Variants in RNF5 observed in about 807,000 individuals in gnomAD.
RNF5 encodes the protein ring finger protein 5, also known as E3 ubiquitin-protein ligase RNF5.
A neutral mutation model predicts 24.4 loss-of-function variants in RNF5; 16 were observed. The observed-to-expected ratio is 0.66, with a 90% CI of 0.44 to 1.00. The LOEUF (loss-of-function observed/expected upper bound fraction) is 1.00, where lower values mean the gene tolerates loss of function less well. Among genes scored for constraint, RNF5 ranks in the 50% least tolerant of loss-of-function variants. The pLI, the probability that RNF5 is intolerant of heterozygous loss-of-function variation, is 0.00. For missense variants in RNF5, 185 were observed against 236.7 expected (o/e 0.78, Z 1.43); for synonymous variants, 64 against 88.5 (o/e 0.72, Z 1.55).
At chr6:32,178,865 C>CAA (rs1785830009) in intron 1 of RNF5, among the ~76,000 whole-genome samples, 1 of 152,016 alleles carries the variant, frequency 6.6e-6, no homozygotes, top group African/African-American at 2.4e-5. Flanking sequence ...GGAGCTGAGG[C>CAA]ACGTGATGTG....
intron 1 of RNF5, 68 bp downstream of exon 1, chr6:32,178,719 T>C: frequency 6.7e-7 from 1 of 1,485,108 alleles, no homozygotes; most frequent in Non-Finnish European, 9.2e-7. Context: ...TAGGAGCGAA[T>C]AATCATACAG....
chr6:32,178,853 C>A (rs949862886), intron 1 of RNF5, among the ~76,000 whole-genome samples: 1 of 151,958 alleles, frequency 6.6e-6, no homozygotes. Flanking sequence ...TCTTAGGAAC[C>A]AGGAGCTGAG....
Position 32,180,586 on chromosome 6 carries a change from C to T in RNF5, c.*260C>T. On this transcript the variant is annotated 3_prime_UTR_variant, in exon 6 of 6. Transcript: ENST00000375094. ...GAGGATGGATTGAGAGAATGTCTTT[C>T]TCCTCTCCTAAGTCTTTGCTTTCCC... The T allele has an allele frequency of 3.8e-6, 2 of 525,200 alleles. No individual in the cohort carries two copies. Among genetic ancestry groups the T allele is most frequent in the Non-Finnish European group, 3.4e-6 (1 of 297,570 alleles). The allele number at this position is 525,200 out of a possible 1,614,324, so 32.5% of individuals were successfully genotyped here. A position where few individuals can be genotyped will look rare whatever the true frequency, so the allele number is the denominator to read the frequency against.
chr6:32,179,814 GAA>G lies in RNF5; in HGVS notation c.272+54_272+55del. 1 of 1,613,610 alleles carries G rather than the reference GAA, an allele frequency of 6.2e-7. No individual in the cohort carries two copies. Reference sequence around the variant, plus strand: ...GGAAGATTGAAGGCTTCTGCCCTTGGAAAACGGTGTGGAAGATGGGAGGAGAA... The same window carrying G: ...GGAAGATTGAAGGCTTCTGCCCTTGGAACGGTGTGGAAGATGGGAGGAGAA... On this transcript the variant is annotated intron_variant, in intron 3 of 5. Transcript: ENST00000375094. This position sits in a 1 kb window ranked among gnomAD's most constrained non-coding sequence, Gnocchi z 5.4.
At position 32,180,359 on chromosome 6, in the gene RNF5, A is replaced by G; in HGVS notation, c.*33A>G. The G allele has an allele frequency of 6.3e-7, 1 of 1,579,880 alleles. No individual in the cohort carries two copies. ...CTGCTTCCTGCCCACCTCCAGCCAG[A>G]GAAGAATCAGTATTGAGGGTCCCTG... On this transcript the variant is annotated 3_prime_UTR_variant, in exon 6 of 6. Coordinates refer to ENST00000375094, the MANE Select transcript of RNF5 (RefSeq NM_006913.4).
rs1276934991 is a variant in RNF5, at chr6:32,178,671, G to A, written c.140+20G>A. ...GTACTGGTGAGAATCGAGGAGGGGG[G>A]CGGGAGGTGGTGGGTCTCGCTTATA... On this transcript the variant is annotated intron_variant, in intron 1 of 5. Coordinates refer to ENST00000375094, the MANE Select transcript of RNF5 (RefSeq NM_006913.4). 18 of 1,607,232 alleles carry A rather than the reference G, an allele frequency of 1.1e-5. No individual in the cohort carries two copies. The Admixed American group carries it at 2.8e-4, about 25-fold the overall frequency.
In RNF5 at chr6:32,180,316, T is replaced by C. The variant is rs1785988581; in HGVS notation, c.533T>C (p.Leu178Pro). ...GCCATCTTCTTCTTTTTTTGGCTGC[T>C]CAGTATTTGAGCTATGTCTGCTTCC... ...FLAIFFFFWL[L>P]SI The change falls in exon 6 of 6, where the codon CTC becomes CCC. Residue 178 changes from leucine (L) to proline (P), a missense_variant. Transcript: ENST00000375094. The C allele has an allele frequency of 6.2e-7, 1 of 1,606,512 alleles. No individual in the cohort carries two copies. The highest frequency in any genetic ancestry group is 1.7e-5 in the Admixed American group (1 of 60,014).
chr6:32,180,015 C>T lies in RNF5; in HGVS notation c.334C>T (p.Gln112Ter), dbSNP rs777032859. The T allele has an allele frequency of 9.9e-6, 16 of 1,614,056 alleles. No individual in the cohort carries two copies. The highest frequency in any genetic ancestry group is 1.4e-5 in the Non-Finnish European group (16 of 1,180,020). The change falls in exon 5 of 6, where the codon CAG (glutamine) becomes TAG (stop). Residue 112 changes from glutamine (Q) to a stop codon, truncating the protein, a stop_gained. Coordinates refer to ENST00000375094, the MANE Select transcript of RNF5 (RefSeq NM_006913.4). LOFTEE classifies it high-confidence loss of function. The stretch of plus-strand genomic sequence containing the variant: ...ACTTTTTCTGCCTCCCTAGGGATTC[C>T]AGCCATTTGGTGATACCGGGGGCTT... ...RPAPESRGGF[Q>*]PFGDTGGFHF...
chr6:32,178,699 C>T (rs781712644), intron 1 of RNF5, 48 bp downstream of exon 1: 1 of 1,582,292 alleles, frequency 6.3e-7, no homozygotes, highest in Non-Finnish European at 8.6e-7. Flanking sequence ...CGCTTATATA[C>T]TGGAGAGGCT....
chr6:32,180,134 T>C lies in RNF5; in HGVS notation c.445+8T>C, dbSNP rs1248147887. On this transcript the variant is annotated splice_region_variant and intron_variant, in intron 5 of 5. Coordinates refer to ENST00000375094, the MANE Select transcript of RNF5 (RefSeq NM_006913.4). ...CTTTCCGCCGGGGTACAGGTAAGAG[T>C]CACACTCAGCTCCCATCAGGGAGCC... is the stretch of plus-strand genomic sequence containing the variant. 1 of 1,613,248 alleles carries C rather than the reference T, an allele frequency of 6.2e-7. No homozygotes were observed. Among genetic ancestry groups the C allele is most frequent in the African/African-American group, 1.3e-5 (1 of 74,924 alleles).
chr6:32,179,604 G>A lies in RNF5; in HGVS notation c.159+45G>A, dbSNP rs1292305479. ...AGAGGGAAATGGGGAGGTCTGAGGA[G>A]CTGTAAGACCCTCTTGTATACTGGA... On this transcript the variant is annotated intron_variant, in intron 2 of 5. Transcript: ENST00000375094. The surrounding 1 kb of genome is among the most constrained non-coding windows in gnomAD (Gnocchi z 5.4). The A allele has an allele frequency of 6.2e-7, 1 of 1,613,544 alleles. No homozygotes were observed.
Position 32,178,875 on chromosome 6 carries a change from G to A in RNF5, c.140+224G>A, listed in dbSNP as rs144014361. On this transcript the variant is annotated intron_variant, in intron 1 of 5. Coordinates refer to ENST00000375094, the MANE Select transcript of RNF5 (RefSeq NM_006913.4). The stretch of plus-strand genomic sequence containing the variant: ...AACCAGGAGCTGAGGCACGTGATGT[G>A]CTGAGAAGAGAAGGTGGGGCGGGGA... 1.8e-3 allele frequency among the ~76,000 whole-genome samples: 273 copies of A among 152,262 alleles called. 14 individuals are homozygous for A. In the East Asian group the frequency reaches 0.039, roughly 22 times the overall value.
At position 32,179,929 on chromosome 6, in the gene RNF5, G is replaced by T; in HGVS notation, c.325G>T (p.Gly109Trp). Reference sequence around the variant, plus strand: ...CCAGAGACCAGCTCCGGAGAGCAGAGGGGTGAGTCTTCTTGTCCAGTTGTG... The same window carrying T: ...CCAGAGACCAGCTCCGGAGAGCAGATGGGTGAGTCTTCTTGTCCAGTTGTG... ...QGQRPAPESR[G>W]GFQPFGDTGG... Residue 109 changes from glycine to tryptophan, a missense_variant and splice_region_variant, in exon 4 of 6, where the codon GGG becomes TGG. Gly to Trp is a radical substitution (Grantham distance 184). Coordinates refer to ENST00000375094, the MANE Select transcript of RNF5 (RefSeq NM_006913.4). The surrounding 1 kb of genome is among the most constrained non-coding windows in gnomAD (Gnocchi z 5.4). The T allele has an allele frequency of 6.2e-7, 1 of 1,614,216 alleles. No individual in the cohort carries two copies. The highest frequency in any genetic ancestry group is 8.5e-7 in the Non-Finnish European group (1 of 1,180,022).
chr6:32,180,290 C>T lies in RNF5; in HGVS notation c.507C>T (p.Leu169=), dbSNP rs141519084. The T allele has an allele frequency of 2.3e-5, 37 of 1,611,400 alleles. No individual in the cohort carries two copies. Among genetic ancestry groups the T allele is most frequent in the East Asian group, 4.5e-5 (2 of 44,892 alleles). The change falls in exon 6 of 6, where the codon CTC becomes CTT. Residue 169 remains leucine (L), a synonymous_variant. Transcript: ENST00000375094. ...SSWQDSLFLF[L]AIFFFFWLLS... ...GGCAGGATTCCCTCTTCCTGTTTCT[C>T]GCCATCTTCTTCTTTTTTTGGCTGC...
Position 32,179,588 on chromosome 6 carries a change from T to C in RNF5, c.159+29T>C. ...CGTACTCAGGAGATGAAGAGGGAAATGGGGAGGTCTGAGGAGCTGTAAGAC... is the reference window on the plus strand; with the variant it reads ...CGTACTCAGGAGATGAAGAGGGAAACGGGGAGGTCTGAGGAGCTGTAAGAC... On this transcript the variant is annotated intron_variant, in intron 2 of 5. Coordinates refer to ENST00000375094, the MANE Select transcript of RNF5 (RefSeq NM_006913.4). The surrounding 1 kb of genome is among the most constrained non-coding windows in gnomAD (Gnocchi z 5.4). The C allele has an allele frequency of 6.2e-7, 1 of 1,612,472 alleles. No homozygotes were observed. Among genetic ancestry groups the C allele is most frequent in the Non-Finnish European group, 8.5e-7 (1 of 1,179,734 alleles).
At position 32,180,032 on chromosome 6, in the gene RNF5, C is replaced by T. The variant is rs565713605; in HGVS notation, c.351C>T (p.Thr117=). 8.1e-6 allele frequency: 13 copies of T among 1,614,142 alleles called. No individual in the cohort carries two copies. Among genetic ancestry groups the T allele is most frequent in the Middle Eastern group, 1.6e-4 (1 of 6,062 alleles). The change falls in exon 5 of 6, where the codon ACC becomes ACT. Residue 117 remains threonine, a synonymous_variant. Transcript: ENST00000375094. The stretch of plus-strand genomic sequence containing the variant: ...AGGGATTCCAGCCATTTGGTGATAC[C>T]GGGGGCTTCCACTTCTCATTTGGTG... The part of the protein sequence containing the change: ...SRGGFQPFGD[T]GGFHFSFGVG...
Position 32,179,590 on chromosome 6 carries a change from G to C in RNF5, c.159+31G>C, listed in dbSNP as rs779455602. 6.8e-6 allele frequency: 11 copies of C among 1,614,040 alleles called. No individual in the cohort carries two copies. The highest frequency in any genetic ancestry group is 1.7e-5 in the Admixed American group (1 of 60,028). On this transcript the variant is annotated intron_variant, in intron 2 of 5. Transcript: ENST00000375094. The surrounding 1 kb of genome is among the most constrained non-coding windows in gnomAD (Gnocchi z 5.4). ...TACTCAGGAGATGAAGAGGGAAATG[G>C]GGAGGTCTGAGGAGCTGTAAGACCC...
chr6:32,179,976 C>T lies in RNF5; in HGVS notation c.328-33C>T, dbSNP rs376401028. 2.3e-5 allele frequency: 37 copies of T among 1,614,162 alleles called. No individual in the cohort carries two copies. The highest frequency in any genetic ancestry group is 1.3e-4 in the East Asian group (6 of 44,882). On this transcript the variant is annotated intron_variant, in intron 4 of 5. Coordinates refer to ENST00000375094, the MANE Select transcript of RNF5 (RefSeq NM_006913.4). This position sits in a 1 kb window ranked among gnomAD's most constrained non-coding sequence, Gnocchi z 5.4. ...TGTGTCCCTTCCTTGACAGATTTGC[C>T]GGCTTCCTGTCTGACTTTTTCTGCC...
At position 32,180,378 on chromosome 6, in the gene RNF5, G is replaced by A. The variant is rs755314237; in HGVS notation, c.*52G>A. The A allele has an allele frequency of 6.5e-7, 1 of 1,527,016 alleles. No individual in the cohort carries two copies. The highest frequency in any genetic ancestry group is 9.0e-7 in the Non-Finnish European group (1 of 1,115,476). The allele number at this position is 1,527,016 out of a possible 1,614,324, so 94.6% of individuals were successfully genotyped here. A position where few individuals can be genotyped will look rare whatever the true frequency, so the allele number is the denominator to read the frequency against. On this transcript the variant is annotated 3_prime_UTR_variant, in exon 6 of 6. Coordinates refer to ENST00000375094, the MANE Select transcript of RNF5 (RefSeq NM_006913.4). The stretch of plus-strand genomic sequence containing the variant: ...AGCCAGAGAAGAATCAGTATTGAGG[G>A]TCCCTGCTGACCCTTCCGTACTCCT...
Sources: gnomAD v4.1 joint callset for allele counts (sites outside exome capture counted in the v4.1 genomes callset) on GRCh38, gnomAD v4.1.1 for gene constraint, Gnocchi (gnomAD v3.1) non-coding constraint, MANE v1.5 for transcripts, NCBI Gene and HGNC (gene_info 2026-07-23, HGNC 2026-07-21) for gene names.